Variants in CSGALNACT1 observed in about 807,000 individuals in gnomAD.
The protein encoded by CSGALNACT1 is chondroitin sulfate N-acetylgalactosaminyltransferase 1.
In CSGALNACT1, 52 loss-of-function variants were observed where a neutral mutation model predicts 51.0. The ratio of observed to expected loss-of-function variants is 1.02; its 90% CI spans 0.82 to 1.29. The LOEUF (loss-of-function observed/expected upper bound fraction) is 1.29. Ranked by LOEUF, CSGALNACT1 falls within the 50% of genes most tolerant of loss-of-function variation. The pLI is 0.00. For missense variants in CSGALNACT1, 935 were observed against 679.2 expected (o/e 1.38, Z -4.19); for synonymous variants, 341 against 254.4 (o/e 1.34, Z -3.24).
At chr8:19,590,640 C>CTTTTTTTTTTTTTTTTTTTTTTTTT (rs34859554) in intron 3 of CSGALNACT1, among the ~76,000 whole-genome samples, 1 of 68,970 alleles carries the variant, frequency 1.4e-5, no homozygotes. Flanking sequence ...GACCTAACTA[C>CTTTTTTTTTTTTTTTTTTTTTTTTT]TTTTTTTTTT....
exon 10 of CSGALNACT1, chr8:19,405,424 A>C: frequency 2.1e-6 from 1 of 475,004 alleles, no homozygotes; most frequent in Non-Finnish European, 4.1e-6. Flanking sequence ...ATGCTAATGA[A>C]TTTTTTACAA....
In CSGALNACT1 at chr8:19,513,436, C is replaced by CTATATATATA. The variant is rs1554650175; in HGVS notation, c.-296-7316_-296-7307dup. 9.4e-3 allele frequency among the ~76,000 whole-genome samples: 768 copies of CTATATATATA among 81,870 alleles called. 12 individuals are homozygous for CTATATATATA. The highest frequency in any genetic ancestry group is 0.015 in the East Asian group (19 of 1,260). The allele number at this position is 81,870 out of a possible 152,430, so 53.7% of individuals were successfully genotyped here. A position where few individuals can be genotyped will look rare whatever the true frequency, so the allele number is the denominator to read the frequency against. ...TCTCACTCTCTCTCTCTCTCTCTCTCTATATATATATATATATATATATAT... is the reference window on the plus strand; with the variant it reads ...TCTCACTCTCTCTCTCTCTCTCTCTCTATATATATATATATATATATATATATATATATAT... On this transcript the variant is annotated intron_variant, in intron 3 of 9. Transcript: ENST00000454498.
At chr8:19,612,840 G>T (rs1048679238) in intron 1 of CSGALNACT1, among the ~76,000 whole-genome samples, 1 of 150,606 alleles carries the variant, frequency 6.6e-6, no homozygotes, top group African/African-American at 2.4e-5. Flanking sequence ...GTGACCCTTT[G>T]GGGAGACATA....
intron 3 of CSGALNACT1, among the ~76,000 whole-genome samples, chr8:19,582,448 C>T (rs2045782019): frequency 6.6e-6 from 1 of 152,132 alleles, no homozygotes; most frequent in Admixed American, 6.6e-5. Context: ...TTTAAAGAGC[C>T]TGAGAGCACC....
chr8:19,434,587 C>G (rs754340496), intron 6 of CSGALNACT1, among the ~76,000 whole-genome samples: 2 of 152,038 alleles, frequency 1.3e-5, no homozygotes, highest in African/African-American at 4.8e-5. Flanking sequence ...ATTCAAATCC[C>G]CAGTAAACAA....
At chr8:19,663,249 C>G (rs2001853) in intron 1 of CSGALNACT1, among the ~76,000 whole-genome samples, 38,331 of 151,936 alleles carry the variant, frequency 0.25, 5,145 homozygotes, top group Middle Eastern at 0.34. Context: ...CTTCCATGAC[C>G]CTAGGGTCAG....
chr8:19,629,746 C>T (rs2054956880), intron 1 of CSGALNACT1, among the ~76,000 whole-genome samples: 1 of 152,176 alleles, frequency 6.6e-6, no homozygotes, highest in South Asian at 2.1e-4. Context: ...AGCTCCAAAT[C>T]CACTCATCTC....
chr8:19,470,215 G>C (rs1380550910), intron 4 of CSGALNACT1, among the ~76,000 whole-genome samples: 1 of 152,134 alleles, frequency 6.6e-6, no homozygotes. Flanking sequence ...CAGAAGGCTA[G>C]GGATACAAAT....
At chr8:19,681,502 A>G (rs577180731) in intron 1 of CSGALNACT1, among the ~76,000 whole-genome samples, 84 of 152,286 alleles carry the variant, frequency 5.5e-4, no homozygotes, top group African/African-American at 2.0e-3. Flanking sequence ...GGGAGGAGAG[A>G]GGTCAGAGCA....
intron 5 of CSGALNACT1, chr8:19,457,536 C>G (rs1478141394): frequency 2.0e-6 from 1 of 506,112 alleles, no homozygotes; most frequent in Non-Finnish European, 3.5e-6. Context: ...TTACCTGAAC[C>G]TGGGAGGTGA....
intron 1 of CSGALNACT1, among the ~76,000 whole-genome samples, chr8:19,716,612 C>CCAAAAAAA (rs1414449293): frequency 0.013 from 531 of 41,988 alleles, 10 homozygotes; most frequent in South Asian, 0.066. Context: ...ACCCTCTCTA[C>CCAAAAAAA]AAAAAAAAAA....
chr8:19,502,122 A>C (rs529691581), intron 4 of CSGALNACT1, among the ~76,000 whole-genome samples: 3 of 152,230 alleles, frequency 2.0e-5, no homozygotes, highest in Non-Finnish European at 2.9e-5. Flanking sequence ...ACCAGACCTT[A>C]TAAGTAACAT....
chr8:19,522,674 G>A (rs970137891), intron 3 of CSGALNACT1, among the ~76,000 whole-genome samples: 2 of 152,242 alleles, frequency 1.3e-5, no homozygotes, highest in Admixed American at 1.3e-4. Context: ...ACACCTTGGT[G>A]AAGTTCTGAC....
At chr8:19,438,786 C>T (rs966034327) in intron 6 of CSGALNACT1, among the ~76,000 whole-genome samples, 5 of 152,200 alleles carry the variant, frequency 3.3e-5, no homozygotes, top group African/African-American at 1.2e-4. Context: ...GTTTGCTGAT[C>T]TCCTGCTTAA....
At chr8:19,561,995 C>G (rs529234766) in intron 3 of CSGALNACT1, among the ~76,000 whole-genome samples, 1 of 152,156 alleles carries the variant, frequency 6.6e-6, no homozygotes, top group Non-Finnish European at 1.5e-5. Context: ...CTATCCTCCA[C>G]CGTGGCTTCC....
At chr8:19,642,780 C>A (rs571424552) in intron 1 of CSGALNACT1, among the ~76,000 whole-genome samples, 3 of 149,076 alleles carry the variant, frequency 2.0e-5, no homozygotes, top group Admixed American at 1.3e-4. Flanking sequence ...CAAAGTGAGA[C>A]CCTGTCACAA....
upstream of CSGALNACT1, among the ~76,000 whole-genome samples, chr8:19,686,970 G>A (rs759926845): frequency 9.9e-5 from 15 of 152,118 alleles, no homozygotes; most frequent in Non-Finnish European, 1.9e-4. Context: ...TTTCCATCAG[G>A]ACCAAATCAT....
intron 1 of CSGALNACT1, among the ~76,000 whole-genome samples, chr8:19,679,057 T>C (rs749437473): frequency 2.0e-5 from 3 of 152,194 alleles, no homozygotes; most frequent in Non-Finnish European, 4.4e-5. Context: ...ATGCAATCAA[T>C]AGTGTAGAAA....
At chr8:19,585,933 A>T (rs112281547) in intron 3 of CSGALNACT1, among the ~76,000 whole-genome samples, 2,697 of 152,292 alleles carry the variant, frequency 0.018, 69 homozygotes, top group South Asian at 0.062. Flanking sequence ...TTGCAATGGA[A>T]CTGTGCCGAT....
Sources: gnomAD v4.1 joint callset for allele counts (sites outside exome capture counted in the v4.1 genomes callset) on GRCh38, gnomAD v4.1.1 for gene constraint, MANE v1.5 for transcripts, NCBI Gene and HGNC (gene_info 2026-07-23, HGNC 2026-07-21) for gene names.